GALNT9: variants seen among roughly 807,000 people sequenced by gnomAD.
GALNT9 encodes the protein GalNAc transferase 9.
A neutral mutation model predicts 63.1 loss-of-function variants in GALNT9; 47 were observed. The ratio of observed to expected loss-of-function variants is 0.75; its 90% CI spans 0.59 to 0.95. The LOEUF (loss-of-function observed/expected upper bound fraction) is 0.95. GALNT9 is among the 40% of genes least tolerant of loss of function. The pLI, the probability that GALNT9 is intolerant of heterozygous loss-of-function variation, is 0.00. For synonymous variants in GALNT9, 396 were observed against 365.7 expected, an observed-to-expected ratio of 1.08 and a Z score of -0.94; for missense variants, 829 against 874.8, an observed-to-expected ratio of 0.95 and a Z score of 0.66.
intron 1 of GALNT9, among the ~76,000 whole-genome samples, chr12:132,326,213 G>A (rs1471072339): frequency 6.6e-6 from 1 of 152,248 alleles, no homozygotes; most frequent in African/African-American, 2.4e-5. Context: ...TAGAGGCTCT[G>A]AAATTTAGCG....
chr12:132,311,047 G>T (rs573213052), intron 1 of GALNT9, among the ~76,000 whole-genome samples: 1 of 152,262 alleles, frequency 6.6e-6, no homozygotes, highest in East Asian at 1.9e-4. Flanking sequence ...CCTGCCTCCC[G>T]CTGAAAAGCA....
intron 6 of GALNT9, among the ~76,000 whole-genome samples, chr12:132,222,513 C>T (rs972740378): frequency 2.0e-5 from 3 of 152,096 alleles, no homozygotes; most frequent in African/African-American, 2.4e-5. Flanking sequence ...CTTGGTCACA[C>T]ACGCAGTTTC....
chr12:132,246,915 C>T lies in GALNT9; in HGVS notation c.1077+995G>A, dbSNP rs1878724324. 6.6e-6 allele frequency among the ~76,000 whole-genome samples: 1 copy of T among 152,188 alleles called. No individual in the cohort carries two copies. Among genetic ancestry groups the T allele is most frequent in the African/African-American group, 2.4e-5 (1 of 41,444 alleles). On this transcript the variant is annotated intron_variant, in intron 6 of 10. Transcript: ENST00000328957. This position sits in a 1 kb window ranked among gnomAD's most constrained non-coding sequence, Gnocchi z 4.7. The stretch of plus-strand genomic sequence containing the variant: ...GCCGTTTTATTGATTGAATTTGTGT[C>T]CACGATAGTACGATCTTTAAAGTGA...
chr12:132,329,313 G>A lies in GALNT9; in HGVS notation c.-110C>T. The A allele has an allele frequency of 2.1e-6, 3 of 1,420,914 alleles. No individual in the cohort carries two copies. The highest frequency in any genetic ancestry group is 2.9e-5 in the South Asian group (2 of 68,138). 88.0% of individuals were successfully genotyped at this position (1,420,914 alleles called of 1,614,324 possible). The stretch of plus-strand genomic sequence containing the variant: ...CCATGAGCCGCCCGGGGCTGCGGGG[G>A]CTGCGGGGCTCGGCCGGAGCTGTCC... On this transcript the variant is annotated 5_prime_UTR_variant, in exon 1 of 11. Transcript: ENST00000328957.
intron 6 of GALNT9, among the ~76,000 whole-genome samples, chr12:132,210,247 A>G (rs1876895561): frequency 6.6e-6 from 1 of 152,262 alleles, no homozygotes. Context: ...CGTTGGGTCA[A>G]AAACTCCCCC....
rs996131119 is a variant in GALNT9, at chr12:132,329,132, G to A, written c.72C>T (p.Phe24=). The A allele has an allele frequency of 1.3e-6, 2 of 1,549,616 alleles. No homozygotes were observed. Among genetic ancestry groups the A allele is most frequent in the Non-Finnish European group, 1.7e-6 (2 of 1,146,546 alleles). Residue 24 remains phenylalanine (F), a synonymous_variant, in exon 1 of 11, where the codon TTC becomes TTT. Coordinates refer to ENST00000328957, the MANE Select transcript of GALNT9 (RefSeq NM_001122636.2). ...NILVFVGIVL[F]SVYCRLQGRS... ...GGCCCTGCAGGCGGCAGTACACGGAGAACAGGACGATGCCCACGAACACCA... is the reference window on the plus strand; with the variant it reads ...GGCCCTGCAGGCGGCAGTACACGGAAAACAGGACGATGCCCACGAACACCA...
chr12:132,261,151 G>A (rs1009995802), intron 3 of GALNT9, 29 bp from the exon 4 acceptor site: 2 of 1,543,272 alleles, frequency 1.3e-6, no homozygotes, highest in Admixed American at 2.1e-5. Flanking sequence ...TTAGCACGCT[G>A]GCAGGTGCTG....
intron 6 of GALNT9, among the ~76,000 whole-genome samples, chr12:132,221,841 C>T (rs966548972): frequency 6.6e-6 from 1 of 152,052 alleles, no homozygotes; most frequent in African/African-American, 2.4e-5. Flanking sequence ...GTAAATGCAA[C>T]CCGCACTTGC....
At chr12:132,271,580 A>G (rs1298399645) in intron 2 of GALNT9, among the ~76,000 whole-genome samples, 1 of 152,100 alleles carries the variant, frequency 6.6e-6, no homozygotes, top group Non-Finnish European at 1.5e-5. Context: ...GTGTCCCTCC[A>G]GGTCTGCCCA....
intron 6 of GALNT9, 54 bp downstream of exon 6, chr12:132,247,856 C>A (rs532770030): frequency 6.5e-7 from 1 of 1,546,360 alleles, no homozygotes; most frequent in African/African-American, 1.4e-5. Flanking sequence ...TGTTCCCAGA[C>A]GCTGTGGCCT....
chr12:132,240,730 T>C, intron 6 of GALNT9: 1 of 455,866 alleles, frequency 2.2e-6, no homozygotes, highest in Non-Finnish European at 4.4e-6. Flanking sequence ...TTCTGTTTCC[T>C]GGGAAGTTAC....
chr12:132,250,874 G>A (rs1878889198), intron 5 of GALNT9, among the ~76,000 whole-genome samples: 1 of 152,200 alleles, frequency 6.6e-6, no homozygotes, highest in Non-Finnish European at 1.5e-5. Flanking sequence ...GGTGGAGTCG[G>A]GACCCACATC....
rs1373387431 is a variant in GALNT9 at position 132,310,557 on chromosome 12, T to A, written c.238+18409A>T. The stretch of plus-strand genomic sequence containing the variant: ...AGTCATTTCACACTTGGCCGCCTGC[T>A]TTCCCAGCACACGATACCTGGGATA... On this transcript the variant is annotated intron_variant, in intron 1 of 10. Coordinates refer to ENST00000328957, the MANE Select transcript of GALNT9 (RefSeq NM_001122636.2). This position sits in a 1 kb window ranked among gnomAD's most constrained non-coding sequence, Gnocchi z 4.8. Among the ~76,000 whole-genome samples, 1 of 152,204 alleles carries A rather than the reference T, an allele frequency of 6.6e-6. No homozygotes were observed. Among genetic ancestry groups the A allele is most frequent in the Non-Finnish European group, 1.5e-5 (1 of 68,030 alleles).
At chr12:132,213,110 C>T (rs1877024863) in intron 6 of GALNT9, among the ~76,000 whole-genome samples, 1 of 55,352 alleles carries the variant, frequency 1.8e-5, no homozygotes, top group African/African-American at 6.4e-5. Flanking sequence ...GGTCTGCAGC[C>T]TTCAGACCTC....
intron 1 of GALNT9, among the ~76,000 whole-genome samples, chr12:132,323,314 G>A (rs1555246283): frequency 1.3e-5 from 2 of 152,248 alleles, no homozygotes; most frequent in South Asian, 4.1e-4. Flanking sequence ...TGCCTGGGTC[G>A]TTCCTAGAAG....
chr12:132,238,277 C>A lies in GALNT9; in HGVS notation c.1077+9633G>T, dbSNP rs908958434. On this transcript the variant is annotated intron_variant, in intron 6 of 10. Coordinates refer to ENST00000328957, the MANE Select transcript of GALNT9 (RefSeq NM_001122636.2). The surrounding 1 kb of genome is among the most constrained non-coding windows in gnomAD (Gnocchi z 6.5). ...CGGCCGGCTGCTGGGTCCCTCACGG[C>A]GGAGACCGAGGACTCCCCTTTGCAG... Among the ~76,000 whole-genome samples the A allele has an allele frequency of 6.6e-6, 1 of 151,814 alleles. No individual in the cohort carries two copies. The highest frequency in any genetic ancestry group is 2.1e-4 in the South Asian group (1 of 4,812).
intron 6 of GALNT9, among the ~76,000 whole-genome samples, chr12:132,228,606 C>T (rs1323665018): frequency 2.6e-5 from 4 of 152,098 alleles, no homozygotes; most frequent in African/African-American, 4.8e-5. Flanking sequence ...GCCACCCCCC[C>T]GGCCCCAGAC....
chr12:132,240,857 C>G, intron 6 of GALNT9: 2 of 388,362 alleles, frequency 5.1e-6, no homozygotes, highest in Non-Finnish European at 1.0e-5. Flanking sequence ...ACCACACCCC[C>G]TTCCCAGGGC....
At chr12:132,214,902 G>A (rs1029972128) in intron 6 of GALNT9, among the ~76,000 whole-genome samples, 11 of 152,232 alleles carry the variant, frequency 7.2e-5, no homozygotes, top group African/African-American at 1.9e-4. Context: ...CAGAGCAGGG[G>A]ATGCACACCC....
Sources: allele counts gnomAD v4.1 joint callset (sites outside exome capture counted in the v4.1 genomes callset), GRCh38; gene constraint gnomAD v4.1.1; non-coding constraint Gnocchi (gnomAD v3.1); transcripts MANE v1.5; gene names NCBI Gene and HGNC (gene_info 2026-07-23, HGNC 2026-07-21).